TSHZ2: variants seen among roughly 807,000 people sequenced by gnomAD.
The protein encoded by TSHZ2 is teashirt homolog 2.
Under a neutral mutation model 74.4 loss-of-function variants are expected in TSHZ2, and 21 were observed. The ratio of observed to expected loss-of-function variants is 0.28; its 90% confidence interval spans 0.20 to 0.41. The LOEUF (loss-of-function observed/expected upper bound fraction) is 0.41, where lower values mean the gene tolerates loss of function less well. TSHZ2 is among the 10% of genes least tolerant of loss of function. The pLI is 1.00. For missense variants in TSHZ2, 1,244 were observed against 1,293.5 expected (o/e 0.96, Z 0.59); for synonymous variants, 540 against 515.3 (o/e 1.05, Z -0.65).
chr20:53,249,963 G>A (rs910424139), intron 1 of TSHZ2, among the ~76,000 whole-genome samples: 6 of 152,296 alleles, frequency 3.9e-5, no homozygotes, highest in African/African-American at 4.8e-5. Flanking sequence ...GGGACAAAAC[G>A]GTGGCCCAGG....
At chr20:53,195,282 T>C (rs952567136) in intron 1 of TSHZ2, among the ~76,000 whole-genome samples, 8 of 151,944 alleles carry the variant, frequency 5.3e-5, no homozygotes, top group African/African-American at 7.3e-5. Flanking sequence ...TATATATATA[T>C]ACACACACAC....
chr20:53,019,567 A>G (rs753471802), intron 1 of TSHZ2, among the ~76,000 whole-genome samples: 2 of 151,860 alleles, frequency 1.3e-5, no homozygotes, highest in African/African-American at 2.4e-5. Flanking sequence ...TGTGATATTG[A>G]CCCCCATAGG....
At chr20:53,277,937 C>T (rs1054893567) in intron 2 of TSHZ2, among the ~76,000 whole-genome samples, 1 of 152,184 alleles carries the variant, frequency 6.6e-6, no homozygotes, top group African/African-American at 2.4e-5. Context: ...ACACGCTCCT[C>T]CTGCCAGGAC....
At chr20:53,068,731 C>T (rs756467867) in intron 1 of TSHZ2, among the ~76,000 whole-genome samples, 14 of 152,162 alleles carry the variant, frequency 9.2e-5, no homozygotes, top group African/African-American at 3.1e-4. Flanking sequence ...AATTAGATTA[C>T]AGTATGGTTG....
chr20:52,978,614 AC>A (rs1412527832), intron 1 of TSHZ2, among the ~76,000 whole-genome samples: 8 of 152,298 alleles, frequency 5.3e-5, no homozygotes, highest in Admixed American at 3.9e-4. Flanking sequence ...CATTTAACTA[AC>A]AGTTAAATAG....
chr20:53,441,523 T>C (rs1984326232), intron 2 of TSHZ2, among the ~76,000 whole-genome samples: 1 of 152,134 alleles, frequency 6.6e-6, no homozygotes, highest in Admixed American at 6.6e-5. Context: ...CCTGACCTCA[T>C]GATCCGCCCA....
intron 2 of TSHZ2, among the ~76,000 whole-genome samples, chr20:53,344,769 A>C (rs962254095): frequency 6.6e-6 from 1 of 152,220 alleles, no homozygotes; most frequent in African/African-American, 2.4e-5. Flanking sequence ...AACCCCATTG[A>C]GAAAAGTTAG....
rs1174270259 is a variant in TSHZ2 at position 53,202,186 on chromosome 20, T to C, written c.41-51313T>C. Among the ~76,000 whole-genome samples, 5 of 152,184 alleles carry C rather than the reference T, an allele frequency of 3.3e-5. No homozygotes were observed. The East Asian group carries it at 9.6e-4, about 29-fold the overall frequency. On this transcript the variant is annotated intron_variant, in intron 1 of 2. Coordinates refer to ENST00000371497, the MANE Select transcript of TSHZ2 (RefSeq NM_173485.6). ...GCTGTTACTCCTTTTACCCATGACC[T>C]TCCTCGGTGATTGGAGCATTGTAGA... is the stretch of plus-strand genomic sequence containing the variant.
intron 1 of TSHZ2, among the ~76,000 whole-genome samples, chr20:53,058,571 C>T (rs1263677718): frequency 6.6e-6 from 1 of 152,164 alleles, no homozygotes; most frequent in Non-Finnish European, 1.5e-5. Context: ...ATGAAGCTGA[C>T]CCCGTTAGTT....
chr20:53,106,391 C>CT (rs71194458), intron 1 of TSHZ2, among the ~76,000 whole-genome samples: 5,089 of 58,672 alleles, frequency 0.087, 1,343 homozygotes, highest in Non-Finnish European at 0.12. Flanking sequence ...CTCACACTTT[C>CT]TTTTTTTTTT....
chr20:53,487,353 A>ACTTCTCTG lies in TSHZ2; in HGVS notation c.*222_*229dup, dbSNP rs1454202273. ...ATTTGGTAATGAAGTATTGATTTCC[A>ACTTCTCTG]CTTCTCTGCTTATGGGCGGTATTAG... On this transcript the variant is annotated 3_prime_UTR_variant, in exon 3 of 3. Coordinates refer to ENST00000371497, the MANE Select transcript of TSHZ2 (RefSeq NM_173485.6). 2.0e-5 allele frequency: 3 copies of ACTTCTCTG among 151,078 alleles called. No individual in the cohort carries two copies. In the Admixed American group the frequency reaches 2.0e-4, roughly 10 times the overall value. 9.4% of individuals were successfully genotyped at this position (151,078 alleles called of 1,614,324 possible). A position where few individuals can be genotyped will look rare whatever the true frequency, so the allele number is the denominator to read the frequency against.
At chr20:53,447,215 G>A (rs942937723) in intron 2 of TSHZ2, among the ~76,000 whole-genome samples, 8 of 152,084 alleles carry the variant, frequency 5.3e-5, no homozygotes, top group Non-Finnish European at 8.8e-5. Context: ...ACCACTCACC[G>A]GACTTCAGTG....
rs184164613 is a variant in TSHZ2 at position 53,096,119 on chromosome 20, C to T, written c.40+122786C>T. 4.6e-5 allele frequency among the ~76,000 whole-genome samples: 7 copies of T among 152,192 alleles called. No individual in the cohort carries two copies. In the East Asian group the frequency reaches 1.4e-3, roughly 29 times the overall value. On this transcript the variant is annotated intron_variant, in intron 1 of 2. Transcript: ENST00000371497. ...GGTCTCCCTCCTGTTAACACTAACACCTCTGTGTTTTTTGTTTGTCTGTTT... is the reference window on the plus strand; with the variant it reads ...GGTCTCCCTCCTGTTAACACTAACATCTCTGTGTTTTTTGTTTGTCTGTTT...
chr20:53,278,055 A>G (rs758586585), intron 2 of TSHZ2, among the ~76,000 whole-genome samples: 31 of 152,160 alleles, frequency 2.0e-4, no homozygotes, highest in Non-Finnish European at 3.2e-4. Context: ...TCATATCACA[A>G]TGAGAAGAGC....
intron 1 of TSHZ2, among the ~76,000 whole-genome samples, chr20:53,163,360 CTTTTTTTTTTTTT>C (rs55685519): frequency 6.1e-5 from 4 of 65,634 alleles, no homozygotes; most frequent in African/African-American, 2.2e-4. Context: ...CTCTCTGTCT[CTTTTTTTTTTTTT>C]TTTTTTTTTT....
At chr20:53,037,215 G>T (rs186913094) in intron 1 of TSHZ2, among the ~76,000 whole-genome samples, 1 of 152,296 alleles carries the variant, frequency 6.6e-6, no homozygotes, top group African/African-American at 2.4e-5. Flanking sequence ...TCAGGCACGG[G>T]TCAGTGAGCG....
intron 2 of TSHZ2, among the ~76,000 whole-genome samples, chr20:53,425,752 C>T (rs1264862018): frequency 6.6e-6 from 1 of 151,456 alleles, no homozygotes; most frequent in East Asian, 1.9e-4. Flanking sequence ...TATTTGTGAA[C>T]ACTGAAATTT....
At position 53,100,663 on chromosome 20, in the gene TSHZ2, A is replaced by G. The variant is rs552657352; in HGVS notation, c.40+127330A>G. On this transcript the variant is annotated intron_variant, in intron 1 of 2. Coordinates refer to ENST00000371497, the MANE Select transcript of TSHZ2 (RefSeq NM_173485.6). ...TGATTTCACAAAAGGGTCAAAGCCC[A>G]TCAAACCTTTTTGCCTGCTGTGGTC... is the stretch of plus-strand genomic sequence containing the variant. Among the ~76,000 whole-genome samples, 41 of 152,316 alleles carry G rather than the reference A, an allele frequency of 2.7e-4. No homozygotes were observed. The South Asian group carries it at 7.3e-3, about 27-fold the overall frequency.
chr20:53,019,584 C>T lies in TSHZ2; in HGVS notation c.40+46251C>T, dbSNP rs1032600739. On this transcript the variant is annotated intron_variant, in intron 1 of 2. Transcript: ENST00000371497. ...TGATATTGACCCCCATAGGTGAGCT[C>T]GTGTGATGTAATGGTCAGGTCTTGG... is the stretch of plus-strand genomic sequence containing the variant. Among the ~76,000 whole-genome samples the T allele has an allele frequency of 6.6e-5, 10 of 152,082 alleles. No individual in the cohort carries two copies. The East Asian group carries it at 1.4e-3, about 21-fold the overall frequency.
Sources: gnomAD v4.1 joint callset for allele counts (sites outside exome capture counted in the v4.1 genomes callset) on GRCh38, gnomAD v4.1.1 for gene constraint, MANE v1.5 for transcripts, NCBI Gene and HGNC (gene_info 2026-07-23, HGNC 2026-07-21) for gene names.